Variants in RETREG1 observed in about 807,000 individuals in gnomAD.
RETREG1 encodes family with sequence similarity 134 member B.
In RETREG1, 44 loss-of-function variants were observed where a neutral mutation model predicts 54.8. That is an observed-to-expected ratio of 0.80 (90% CI 0.63 to 1.03). RETREG1 has a LOEUF of 1.03. Ranked by LOEUF, RETREG1 falls within the 50% of genes least tolerant of loss-of-function variation. The probability of loss-of-function intolerance (pLI) is 0.00; values close to 1 mark genes in which losing one functional copy is unlikely to be tolerated. For synonymous variants in RETREG1, 217 were observed against 238.5 expected (o/e 0.91, Z 0.83); for missense variants, 554 against 605.1 (o/e 0.92, Z 0.89).
chr5:16,565,900 C>G, intron 2 of RETREG1, 107 bp from the exon 3 acceptor site: 1 of 1,196,220 alleles, frequency 8.4e-7, no homozygotes, highest in South Asian at 1.3e-5. Context: ...ATGCTCAGAT[C>G]TCTAACACTC....
At position 16,572,050 on chromosome 5, in the gene RETREG1, G is replaced by T. The variant is rs547425698; in HGVS notation, c.373C>A (p.Leu125Ile). Residue 125 changes from leucine (L) to isoleucine (I), a missense_variant, in exon 2 of 9, where the codon CTT (leucine) becomes ATT (isoleucine). Physicochemically the swap from Leu to Ile is conservative, Grantham distance 5. Around this residue, in one of 4 missense-constraint regions of RETREG1, gnomAD observed 347 missense variants for 412.3 expected, o/e 0.84. Transcript: ENST00000306320. ...ATTATTTGCATAATAACACGCCCAA[G>T]TATCATGACGGAAATCAGGTGATAT... ...RVYHLISVMI[L>I]GRVIMQIIKD... The T allele has an allele frequency of 1.1e-5, 17 of 1,613,878 alleles. No individual in the cohort carries two copies. The highest frequency in any genetic ancestry group is 1.4e-5 in the Non-Finnish European group (16 of 1,179,862).
At position 16,610,120 on chromosome 5, in the gene RETREG1, T is replaced by A. The variant is rs568708658; in HGVS notation, c.320+6532A>T. Among the ~76,000 whole-genome samples, 27 of 152,210 alleles carry A rather than the reference T, an allele frequency of 1.8e-4. 1 individual carries two copies. The East Asian group carries it at 5.0e-3, about 28-fold the overall frequency. On this transcript the variant is annotated intron_variant, in intron 1 of 8. Coordinates refer to ENST00000306320, the MANE Select transcript of RETREG1 (RefSeq NM_001034850.3). ...CTCTAACGCAAGCTGGGGCACCCCATTCAGGCTGGCAGAGAAGGGGTGCTT... is the reference window on the plus strand; with the variant it reads ...CTCTAACGCAAGCTGGGGCACCCCAATCAGGCTGGCAGAGAAGGGGTGCTT...
In RETREG1 at chr5:16,528,572, T is replaced by C. The variant is rs116782641; in HGVS notation, c.458+37191A>G. Among the ~76,000 whole-genome samples the C allele has an allele frequency of 6.3e-3, 966 of 152,142 alleles. 11 individuals are homozygous for C. Among genetic ancestry groups the C allele is most frequent in the African/African-American group, 0.022 (898 of 41,508 alleles). ...AAGGAGGAGTGAGACCTGTCCCAGG[T>C]GATAGCAGGGGGTTCTGAGACACAT... On this transcript the variant is annotated intron_variant, in intron 3 of 8. Coordinates refer to ENST00000306320, the MANE Select transcript of RETREG1 (RefSeq NM_001034850.3).
Position 16,616,951 on chromosome 5 carries a change from C to A in RETREG1, c.21G>T (p.Pro7=), listed in dbSNP as rs928050560. The change falls in exon 1 of 9, where the codon CCG becomes CCT. Residue 7 remains proline (P), a synonymous_variant. Transcript: ENST00000306320. ...CCGGGCATCCCTCCTCGGCGTGCTC[C>A]GGAGGCGCCGGGCTCGCCATCTTCA... The part of the protein sequence containing the change: MASPAP[P]EHAEEGCPAP... The A allele has an allele frequency of 1.4e-6, 2 of 1,444,270 alleles. No individual in the cohort carries two copies. The highest frequency in any genetic ancestry group is 5.2e-5 in the Admixed American group (2 of 38,630). The allele number at this position is 1,444,270 out of a possible 1,614,324, so 89.5% of individuals were successfully genotyped here. A position where few individuals can be genotyped will look rare whatever the true frequency, so the allele number is the denominator to read the frequency against.
chr5:16,542,257 T>C (rs1237711731), intron 3 of RETREG1, among the ~76,000 whole-genome samples: 1 of 152,260 alleles, frequency 6.6e-6, no homozygotes, highest in East Asian at 1.9e-4. Flanking sequence ...GGAGCTTTAA[T>C]GGTAGAGTTT....
chr5:16,579,545 A>G (rs1228954836), intron 1 of RETREG1, among the ~76,000 whole-genome samples: 1 of 152,204 alleles, frequency 6.6e-6, no homozygotes, highest in African/African-American at 2.4e-5. Context: ...AATGACATAT[A>G]TCCACCATTA....
At chr5:16,518,670 G>A (rs1740437251) in intron 3 of RETREG1, among the ~76,000 whole-genome samples, 1 of 152,202 alleles carries the variant, frequency 6.6e-6, no homozygotes, top group South Asian at 2.1e-4. Flanking sequence ...TTGGGACACA[G>A]GCCTTCAGGA....
chr5:16,547,924 A>G (rs973961101), intron 3 of RETREG1, among the ~76,000 whole-genome samples: 1 of 152,224 alleles, frequency 6.6e-6, no homozygotes, highest in East Asian at 1.9e-4. Context: ...CAACACCAAC[A>G]AAACACTGAG....
At chr5:16,606,874 G>A (rs1158453526) in intron 1 of RETREG1, among the ~76,000 whole-genome samples, 2 of 152,150 alleles carry the variant, frequency 1.3e-5, no homozygotes, top group African/African-American at 2.4e-5. Flanking sequence ...TGGCACAGTT[G>A]TGGCATGAAG....
intron 3 of RETREG1, among the ~76,000 whole-genome samples, chr5:16,535,255 T>G (rs1259328007): frequency 6.6e-6 from 1 of 152,244 alleles, no homozygotes; most frequent in Non-Finnish European, 1.5e-5. Flanking sequence ...TTGCAAGCTC[T>G]GAGTGCGCTC....
At chr5:16,556,975 G>A (rs1000562730) in intron 3 of RETREG1, among the ~76,000 whole-genome samples, 6 of 152,038 alleles carry the variant, frequency 3.9e-5, no homozygotes, top group Non-Finnish European at 5.9e-5. Flanking sequence ...GAATACAGGC[G>A]CCCGCCACCA....
chr5:16,599,546 C>A (rs1197336998), intron 1 of RETREG1, among the ~76,000 whole-genome samples: 1 of 152,130 alleles, frequency 6.6e-6, no homozygotes, highest in Non-Finnish European at 1.5e-5. Context: ...GTATGGGAAT[C>A]ATGAGGAAGT....
rs1561128545 is a variant in RETREG1 at position 16,581,567 on chromosome 5, A to AC, written c.321-9466_321-9465insG. On this transcript the variant is annotated intron_variant, in intron 1 of 8. Coordinates refer to ENST00000306320, the MANE Select transcript of RETREG1 (RefSeq NM_001034850.3). ...CACACACACACACACACACACACAA[A>AC]ACACACACACAGGACCACTGGCCCT... Among the ~76,000 whole-genome samples, 713 of 145,484 alleles carry AC rather than the reference A, an allele frequency of 4.9e-3. 2 individuals are homozygous for AC. The highest frequency in any genetic ancestry group is 0.017 in the African/African-American group (661 of 39,504).
chr5:16,488,866 T>C (rs1391764261), intron 3 of RETREG1, among the ~76,000 whole-genome samples: 1 of 151,944 alleles, frequency 6.6e-6, no homozygotes, highest in African/African-American at 2.4e-5. Context: ...GGGCAGATCA[T>C]GAGATCAGGA....
intron 3 of RETREG1, among the ~76,000 whole-genome samples, chr5:16,518,034 A>C (rs1740413933): frequency 6.7e-6 from 1 of 150,362 alleles, no homozygotes; most frequent in Admixed American, 6.6e-5. Context: ...AATATATAAT[A>C]TCTCATTCAT....
chr5:16,508,205 A>G (rs529163351), intron 3 of RETREG1, among the ~76,000 whole-genome samples: 1 of 152,380 alleles, frequency 6.6e-6, no homozygotes, highest in Non-Finnish European at 1.5e-5. Flanking sequence ...TTTAAAATGC[A>G]ATAGGTTTTT....
At chr5:16,614,245 C>T (rs1381769946) in intron 1 of RETREG1, among the ~76,000 whole-genome samples, 1 of 52,798 alleles carries the variant, frequency 1.9e-5, no homozygotes, top group African/African-American at 8.7e-5. Flanking sequence ...AAGAAAACAT[C>T]ATAGAAAAAA....
rs777566287 is a variant in RETREG1 at position 16,572,014 on chromosome 5, C to T, written c.409G>A (p.Val137Ile). 1 of 1,612,638 alleles carries T rather than the reference C, an allele frequency of 6.2e-7. No homozygotes were observed. The highest frequency in any genetic ancestry group is 1.1e-5 in the South Asian group (1 of 91,064). Reference sequence around the variant, plus strand: ...TTCTTACCTCTTGTTCTAGACAAAACCATATCCTTTATTATTTGCATAATA... The same window carrying T: ...TTCTTACCTCTTGTTCTAGACAAAATCATATCCTTTATTATTTGCATAATA... ...RVIMQIIKDM[V>I]LSRTRGAQLW... is the part of the protein sequence containing the mutation. The change falls in exon 2 of 9, where the codon GTT (valine) becomes ATT (isoleucine). Residue 137 changes from valine (V) to isoleucine (I), a missense_variant. Physicochemically the swap from Val to Ile is conservative, Grantham distance 29. Coordinates refer to ENST00000306320, the MANE Select transcript of RETREG1 (RefSeq NM_001034850.3).
At chr5:16,479,008 G>T in intron 5 of RETREG1, 21 bp from the exon 6 acceptor site, 1 of 1,609,700 alleles carries the variant, frequency 6.2e-7, no homozygotes, top group South Asian at 1.1e-5. Flanking sequence ...AAAGAGAGCA[G>T]AGGTAAAATG....
Sources: allele counts gnomAD v4.1 joint callset (sites outside exome capture counted in the v4.1 genomes callset), GRCh38; gene constraint gnomAD v4.1.1; regional missense constraint gnomAD v4.1.1; transcripts MANE v1.5; gene names NCBI Gene and HGNC (gene_info 2026-07-23, HGNC 2026-07-21).